The following HMGCS2 variants were observed in gnomAD, a reference collection of about 807,000 sequenced individuals.
HMGCS2 encodes hydroxymethylglutaryl-CoA synthase, mitochondrial.
Under a neutral mutation model 57.4 loss-of-function variants are expected in HMGCS2, and 50 were observed. The observed-to-expected ratio is 0.87, with a 90% CI of 0.69 to 1.10. The LOEUF (loss-of-function observed/expected upper bound fraction) is 1.10, where lower values mean the gene tolerates loss of function less well. Ranked by LOEUF, HMGCS2 falls within the 50% of genes least tolerant of loss-of-function variation. The pLI is 0.00. For synonymous variants in HMGCS2, 254 were observed against 245.1 expected, an observed-to-expected ratio of 1.04 and a Z score of -0.34; for missense variants, 627 against 636.5, an observed-to-expected ratio of 0.99 and a Z score of 0.16.
chr1:119,750,069 G>A (rs587697863), intron 9 of HMGCS2, among the ~76,000 whole-genome samples: 1 of 152,100 alleles, frequency 6.6e-6, no homozygotes, highest in Non-Finnish European at 1.5e-5. Context: ...CCCTATCCTT[G>A]TGTCCACGAA....
At chr1:119,751,042 C>T (rs1652641333) in intron 8 of HMGCS2, 134 bp from the exon 9 acceptor site, 4 of 688,758 alleles carry the variant, frequency 5.8e-6, no homozygotes, top group East Asian at 2.8e-5. Context: ...CAAGGTCACC[C>T]TTAGTCCACC....
rs1571026553 is a variant in HMGCS2, at chr1:119,748,381, T to C, written c.*466A>G. 2.6e-5 allele frequency: 4 copies of C among 152,236 alleles called. No individual in the cohort carries two copies. The East Asian group carries it at 7.7e-4, about 29-fold the overall frequency. 9.4% of individuals were successfully genotyped at this position (152,236 alleles called of 1,614,324 possible). A position where few individuals can be genotyped will look rare whatever the true frequency, so the allele number is the denominator to read the frequency against. On this transcript the variant is annotated 3_prime_UTR_variant, in exon 10 of 10. Transcript: ENST00000369406. ...GGTTCCAAGAAACGCAGGAATCATT[T>C]CCTCTTTCTCTCTTTTTAATTGCTA... is the stretch of plus-strand genomic sequence containing the variant.
At position 119,759,880 on chromosome 1, in the gene HMGCS2, A is replaced by C; in HGVS notation, c.669T>G (p.Pro223=). The C allele has an allele frequency of 1.9e-6, 3 of 1,614,174 alleles. No individual in the cohort carries two copies. Among genetic ancestry groups the C allele is most frequent in the Non-Finnish European group, 2.5e-6 (3 of 1,179,998 alleles). The change falls in exon 3 of 10, where the codon CCT becomes CCG. Residue 223 remains proline (P), a synonymous_variant. Transcript: ENST00000369406. ...AVAMLIGPKA[P]LALERGLRGT... ...ACTACAAACCTCGCTCCAGGGCCAG[A>C]GGGGCCTTGGGCCCAATCAGCATAG... is the stretch of plus-strand genomic sequence containing the variant.
intron 1 of HMGCS2, among the ~76,000 whole-genome samples, chr1:119,764,970 G>A (rs1168571610): frequency 6.6e-6 from 1 of 151,872 alleles, no homozygotes. Context: ...TCTTGTGATC[G>A]GTATATATAT....
chr1:119,752,022 T>C (rs1652676751), intron 8 of HMGCS2, among the ~76,000 whole-genome samples: 1 of 152,142 alleles, frequency 6.6e-6, no homozygotes, highest in East Asian at 1.9e-4. Flanking sequence ...TTTTTATGTT[T>C]GGTGGAGAAA....
chr1:119,761,339 G>A (rs1010669271), intron 2 of HMGCS2, among the ~76,000 whole-genome samples: 2 of 151,702 alleles, frequency 1.3e-5, no homozygotes, highest in African/African-American at 4.8e-5. Context: ...TTTAGGAAAA[G>A]GCCAGTAAAT....
intron 1 of HMGCS2, 83 bp from the exon 2 acceptor site, chr1:119,764,709 T>A (rs1248845647): frequency 9.7e-7 from 1 of 1,028,158 alleles, no homozygotes; most frequent in African/African-American, 1.6e-5. Context: ...AATCATTTAA[T>A]TAATTTTCTA....
Position 119,750,925 on chromosome 1 carries a change from A to C in HMGCS2, c.1421-17T>G. 7.0e-7 allele frequency: 1 copy of C among 1,427,182 alleles called. No individual in the cohort carries two copies. The highest frequency in any genetic ancestry group is 9.9e-7 in the Non-Finnish European group (1 of 1,009,914). 88.4% of individuals were successfully genotyped at this position (1,427,182 alleles called of 1,614,324 possible). ...AGAAATTCACTGTGGAATGAGGAGA[A>C]GAGGCAGTACTCACAAAGAGTTATA... On this transcript the variant is annotated splice_polypyrimidine_tract_variant and intron_variant, in intron 8 of 9. Coordinates refer to ENST00000369406, the MANE Select transcript of HMGCS2 (RefSeq NM_005518.4).
rs1378857894 is a variant in HMGCS2, at chr1:119,759,306, C to G, written c.686-24G>C. 3 of 1,610,606 alleles carry G rather than the reference C, an allele frequency of 1.9e-6. No homozygotes were observed. The Admixed American group carries it at 5.0e-5, about 27-fold the overall frequency. On this transcript the variant is annotated intron_variant, in intron 3 of 9. Transcript: ENST00000369406. ...CCCTGGAAAGGCACACAAAGTGTTT[C>G]AGAGACTACACAATGCAGCCTACCT...
At chr1:119,764,150 T>C in intron 2 of HMGCS2, 22 bp downstream of exon 2, 1 of 1,604,664 alleles carries the variant, frequency 6.2e-7, no homozygotes, top group South Asian at 1.1e-5. Context: ...CTTTCTTACA[T>C]AAGGTTCGTG....
At position 119,759,970 on chromosome 1, in the gene HMGCS2, G is replaced by T. The variant is rs759988740; in HGVS notation, c.579C>A (p.Val193=). The T allele has an allele frequency of 4.3e-6, 7 of 1,614,002 alleles. No homozygotes were observed. Among genetic ancestry groups the T allele is most frequent in the South Asian group, 1.1e-5 (1 of 91,062 alleles). ...SSWDGRYAMV[V]CGDIAVYPSG... ...TGGGATAGACGGCAATGTCTCCACA[G>T]ACCACCATGGCATAACGACCTGTAA... Residue 193 remains valine (V), a synonymous_variant, in exon 3 of 10, where the codon GTC becomes GTA. Transcript: ENST00000369406.
At chr1:119,768,702 T>C (rs746005433) in intron 1 of HMGCS2, 39 bp downstream of exon 1, 1 of 1,437,578 alleles carries the variant, frequency 7.0e-7, no homozygotes, top group Non-Finnish European at 9.8e-7. Context: ...AAAAACTATC[T>C]TTTACTAGTT....
chr1:119,755,539 C>T lies in HMGCS2; in HGVS notation c.1075G>A (p.Ala359Thr). The change falls in exon 6 of 10, where the codon GCC becomes ACC. Residue 359 changes from alanine to threonine, a missense_variant. Ala to Thr is a moderately conservative substitution (Grantham distance 58). Coordinates refer to ENST00000369406, the MANE Select transcript of HMGCS2 (RefSeq NM_005518.4). ...TTCTTGTCGAACATGTCCTGAGAGGCCTTTAGAAGTGCTTTATCCAGGTCC... is the reference window on the plus strand; with the variant it reads ...TTCTTGTCGAACATGTCCTGAGAGGTCTTTAGAAGTGCTTTATCCAGGTCC... Reference protein sequence around the residue: ...NKDLDKALLKASQDMFDKKTK... With the variant: ...NKDLDKALLKTSQDMFDKKTK... 1 of 1,614,074 alleles carries T rather than the reference C, an allele frequency of 6.2e-7. No homozygotes were observed. The highest frequency in any genetic ancestry group is 8.5e-7 in the Non-Finnish European group (1 of 1,180,020).
intron 2 of HMGCS2, among the ~76,000 whole-genome samples, chr1:119,761,741 G>C (rs966919371): frequency 2.0e-5 from 3 of 151,498 alleles, no homozygotes; most frequent in African/African-American, 7.3e-5. Context: ...ACTCCAGCCT[G>C]GCAACAGATC....
At chr1:119,766,736 C>G (rs1474822313) in intron 1 of HMGCS2, among the ~76,000 whole-genome samples, 1 of 152,112 alleles carries the variant, frequency 6.6e-6, no homozygotes, top group East Asian at 1.9e-4. Flanking sequence ...CTTCTCTGGG[C>G]TGGCTCCCTC....
chr1:119,768,542 G>C (rs112315124), intron 1 of HMGCS2, among the ~76,000 whole-genome samples, 199 bp downstream of exon 1: 1 of 152,130 alleles, frequency 6.6e-6, no homozygotes, highest in Non-Finnish European at 1.5e-5. Context: ...AGAGGTTTGG[G>C]CTCTTCTCAC....
intron 5 of HMGCS2, 135 bp from the exon 6 acceptor site, chr1:119,755,732 A>T: frequency 1.2e-6 from 1 of 820,988 alleles, no homozygotes; most frequent in Non-Finnish European, 2.2e-6. Flanking sequence ...ACAGAACAGT[A>T]CAGAGGAGAA....
rs761845625 is a variant in HMGCS2 at position 119,764,488 on chromosome 1, T to G, written c.243A>C (p.Ala81=). The G allele has an allele frequency of 6.2e-7, 1 of 1,612,560 alleles. No individual in the cohort carries two copies. The highest frequency in any genetic ancestry group is 1.1e-5 in the South Asian group (1 of 91,048). The part of the protein sequence containing the change: ...TDLEKYNNVE[A]GKYTVGLGQT... ...GGCCCAAGCCCACTGTATACTTTCC[T>G]GCTTCCACATTGTTATACTTCTCCA... Residue 81 remains alanine, a synonymous_variant, in exon 2 of 10, where the codon GCA becomes GCC. Coordinates refer to ENST00000369406, the MANE Select transcript of HMGCS2 (RefSeq NM_005518.4).
At chr1:119,759,733 T>A in intron 3 of HMGCS2, 131 bp downstream of exon 3, 2 of 1,144,502 alleles carry the variant, frequency 1.7e-6, no homozygotes, top group East Asian at 2.4e-5. Context: ...AGACCAGCCC[T>A]TTTTAGAGGC....
Sources: allele counts gnomAD v4.1 joint callset (sites outside exome capture counted in the v4.1 genomes callset), GRCh38; gene constraint gnomAD v4.1.1; transcripts MANE v1.5; gene names NCBI Gene and HGNC (gene_info 2026-07-23, HGNC 2026-07-21).